Variants in HOXC11 observed in about 807,000 individuals in gnomAD.
HOXC11 encodes homeobox C11, also known as homeobox protein Hox-C11.
In HOXC11, 17 loss-of-function variants were observed where a neutral mutation model predicts 23.6. That is an observed-to-expected ratio of 0.72 (90% CI 0.49 to 1.08). HOXC11 has a LOEUF of 1.08. Ranked by LOEUF, HOXC11 falls within the 50% of genes least tolerant of loss-of-function variation. The pLI is 0.00. For synonymous variants in HOXC11, 196 were observed against 183.8 expected (o/e 1.07, Z -0.54); for missense variants, 413 against 412.1 (o/e 1.00, Z -0.02).
intron 1 of HOXC11, among the ~76,000 whole-genome samples, chr12:53,974,601 C>T (rs1384230797): frequency 3.3e-5 from 5 of 151,948 alleles, no homozygotes; most frequent in Non-Finnish European, 7.4e-5. Flanking sequence ...GCGTTTCTCC[C>T]GGGTCCGCGG....
intron 1 of HOXC11, chr12:53,974,933 C>G (rs1006738783): frequency 4.9e-5 from 25 of 509,844 alleles, no homozygotes; most frequent in African/African-American, 4.9e-4. Context: ...ACCCTGTCAG[C>G]CGCGGCTCTC....
In HOXC11 at chr12:53,973,308, G is replaced by A; in HGVS notation, c.67G>A (p.Gly23Ser). 1 of 1,613,940 alleles carries A rather than the reference G, an allele frequency of 6.2e-7. No homozygotes were observed. Among genetic ancestry groups the A allele is most frequent in the Non-Finnish European group, 8.5e-7 (1 of 1,180,000 alleles). ...PSRKERGADF[G>S]ERGSCASNLY... is the part of the protein sequence containing the mutation. The stretch of plus-strand genomic sequence containing the variant: ...GCGCAAGGAGAGGGGCGCAGATTTC[G>A]GCGAGCGAGGGAGCTGCGCCTCCAA... Residue 23 changes from glycine to serine, a missense_variant, in exon 1 of 2, where the codon GGC becomes AGC. Physicochemically the swap from Gly to Ser is moderately conservative, Grantham distance 56. Coordinates refer to ENST00000546378, the MANE Select transcript of HOXC11 (RefSeq NM_014212.4). This position sits in a 1 kb window ranked among gnomAD's most constrained non-coding sequence, Gnocchi z 4.3.
At position 53,973,912 on chromosome 12, in the gene HOXC11, G is replaced by A. The variant is rs1390422425; in HGVS notation, c.671G>A (p.Gly224Glu). ...TCCGTGGCCAAGGAGCCGGCCAAAG[G>A]AGCCGCCCCCAGTAGGTAGCAGCGG... ...AHSVAKEPAK[G>E]AAPNAPRTRK... Residue 224 changes from glycine to glutamate, a missense_variant, in exon 1 of 2, where the codon GGA (glycine) becomes GAA (glutamate). Physicochemically the swap from Gly to Glu is moderately conservative, Grantham distance 98. Coordinates refer to ENST00000546378, the MANE Select transcript of HOXC11 (RefSeq NM_014212.4). The surrounding 1 kb of genome is among the most constrained non-coding windows in gnomAD (Gnocchi z 4.3). 19 of 1,443,556 alleles carry A rather than the reference G, an allele frequency of 1.3e-5. No homozygotes were observed. The highest frequency in any genetic ancestry group is 2.9e-5 in the Admixed American group (1 of 34,262). The allele number at this position is 1,443,556 out of a possible 1,614,324, so 89.4% of individuals were successfully genotyped here.
Position 53,975,916 on chromosome 12 carries a change from T to C in HOXC11, c.*503T>C, listed in dbSNP as rs755225269. The C allele has an allele frequency of 4.3e-4, 128 of 299,620 alleles. No individual in the cohort carries two copies. Among genetic ancestry groups the C allele is most frequent in the Non-Finnish European group, 6.6e-4 (107 of 163,254 alleles). The allele number at this position is 299,620 out of a possible 1,614,324, so 18.6% of individuals were successfully genotyped here. A position where few individuals can be genotyped will look rare whatever the true frequency, so the allele number is the denominator to read the frequency against. ...AATGTGATCCTGCCTTGCTGTGAAA[T>C]TTCTGTACCTTCAACCTGGTGTTAG... On this transcript the variant is annotated 3_prime_UTR_variant, in exon 2 of 2. Transcript: ENST00000546378.
chr12:53,973,916 C>T lies in HOXC11; in HGVS notation c.675C>T (p.Ala225=), dbSNP rs1357694910. Reference sequence around the variant, plus strand: ...TGGCCAAGGAGCCGGCCAAAGGAGCCGCCCCCAGTAGGTAGCAGCGGCCGG... The same window carrying T: ...TGGCCAAGGAGCCGGCCAAAGGAGCTGCCCCCAGTAGGTAGCAGCGGCCGG... ...HSVAKEPAKG[A]APNAPRTRKK... is the part of the protein sequence containing the mutation. Residue 225 remains alanine, a synonymous_variant, in exon 1 of 2, where the codon GCC becomes GCT. Transcript: ENST00000546378. The surrounding 1 kb of genome is among the most constrained non-coding windows in gnomAD (Gnocchi z 4.3). 2 of 1,441,352 alleles carry T rather than the reference C, an allele frequency of 1.4e-6. No individual in the cohort carries two copies. The highest frequency in any genetic ancestry group is 2.6e-5 in the East Asian group (1 of 38,814). The allele number at this position is 1,441,352 out of a possible 1,614,324, so 89.3% of individuals were successfully genotyped here. A position where few individuals can be genotyped will look rare whatever the true frequency, so the allele number is the denominator to read the frequency against.
In HOXC11 at chr12:53,975,479, T is replaced by G; in HGVS notation, c.*66T>G. On this transcript the variant is annotated 3_prime_UTR_variant, in exon 2 of 2. Transcript: ENST00000546378. ...ATTATTTTATTTTATTTTTATTTTT[T>G]ATTTTCTAACTCGTCTTCTTTCCGC... 2.0e-5 allele frequency: 20 copies of G among 1,018,358 alleles called. No individual in the cohort carries two copies. The highest frequency in any genetic ancestry group is 2.6e-5 in the Non-Finnish European group (17 of 665,492). 63.1% of individuals were successfully genotyped at this position (1,018,358 alleles called of 1,614,324 possible).
chr12:53,974,071 G>C, intron 1 of HOXC11, 148 bp downstream of exon 1: 1 of 404,098 alleles, frequency 2.5e-6, no homozygotes, highest in East Asian at 7.5e-5. Flanking sequence ...GCATTCAAAG[G>C]ATTTTATTAT....
chr12:53,973,350 T>G lies in HOXC11; in HGVS notation c.109T>G (p.Cys37Gly), dbSNP rs1172662931. The G allele has an allele frequency of 2.5e-6, 4 of 1,612,300 alleles. No individual in the cohort carries two copies. The East Asian group carries it at 9.0e-5, about 36-fold the overall frequency. ...CGCCTCCAACCTCTATCTGCCCAGT[T>G]GCACTTACTACATGCCCGAGTTCTC... ...SCASNLYLPS[C>G]TYYMPEFSTV... Residue 37 changes from cysteine to glycine, a missense_variant, in exon 1 of 2, where the codon TGC (cysteine) becomes GGC (glycine). Coordinates refer to ENST00000546378, the MANE Select transcript of HOXC11 (RefSeq NM_014212.4). The surrounding 1 kb of genome is among the most constrained non-coding windows in gnomAD (Gnocchi z 4.3).
rs967992928 is a variant in HOXC11, at chr12:53,976,007, C to A, written c.*594C>A. On this transcript the variant is annotated 3_prime_UTR_variant, in exon 2 of 2. Transcript: ENST00000546378. ...CCCGCCCGAGCCTAGTTGTTCTCCC[C>A]CTGAATGTGTAGAACCTTCCTTTGA... The A allele has an allele frequency of 1.2e-5, 3 of 245,062 alleles. No homozygotes were observed. Among genetic ancestry groups the A allele is most frequent in the Admixed American group, 5.5e-5 (1 of 18,338 alleles). 15.2% of individuals were successfully genotyped at this position (245,062 alleles called of 1,614,324 possible).
In HOXC11 at chr12:53,973,245, T is replaced by C; in HGVS notation, c.4T>C (p.Phe2Leu). 6.3e-7 allele frequency: 1 copy of C among 1,591,348 alleles called. No homozygotes were observed. Residue 2 changes from phenylalanine to leucine, a missense_variant, in exon 1 of 2, where the codon TTT becomes CTT. By Grantham distance (22) the Phe-to-Leu change is conservative (BLOSUM62 0). Transcript: ENST00000546378. The surrounding 1 kb of genome is among the most constrained non-coding windows in gnomAD (Gnocchi z 4.3). ...GAGCCGGCAGGAGAGGAGAACGATG[T>C]TTAACTCGGTCAACCTGGGCAACTT... is the stretch of plus-strand genomic sequence containing the variant. M[F>L]NSVNLGNFCS...
intron 1 of HOXC11, among the ~76,000 whole-genome samples, 169 bp downstream of exon 1, chr12:53,974,092 G>A (rs1469290439): frequency 6.7e-6 from 1 of 149,996 alleles, no homozygotes; most frequent in Admixed American, 6.6e-5. Flanking sequence ...AACCTACAAA[G>A]CCCTCTCTCC....
At position 53,975,378 on chromosome 12, in the gene HOXC11, C is replaced by A. The variant is rs776187685; in HGVS notation, c.880C>A (p.Arg294=). Residue 294 remains arginine (R), a synonymous_variant, in exon 2 of 2, where the codon CGG becomes AGG. Transcript: ENST00000546378. The stretch of plus-strand genomic sequence containing the variant: ...GAAAGAAAAGAAACTGAGCAGAGAC[C>A]GGCTGCAGTATTTCTCGGGAAATCC... The part of the protein sequence containing the change: ...RMKEKKLSRD[R]LQYFSGNPLL The A allele has an allele frequency of 3.8e-5, 61 of 1,613,364 alleles. No individual in the cohort carries two copies. The highest frequency in any genetic ancestry group is 5.0e-5 in the Non-Finnish European group (59 of 1,179,872).
rs1416404908 is a variant in HOXC11, at chr12:53,975,440, G to A, written c.*27G>A. Reference sequence around the variant, plus strand: ...CTGCAGACCGGGCCCTTTTGGGGGCGGGGGGAGGGGAAAATTATTTTATTT... The same window carrying A: ...CTGCAGACCGGGCCCTTTTGGGGGCAGGGGGAGGGGAAAATTATTTTATTT... On this transcript the variant is annotated 3_prime_UTR_variant, in exon 2 of 2. Coordinates refer to ENST00000546378, the MANE Select transcript of HOXC11 (RefSeq NM_014212.4). 1 of 912,428 alleles carries A rather than the reference G, an allele frequency of 1.1e-6. No individual in the cohort carries two copies. The allele number at this position is 912,428 out of a possible 1,614,324, so 56.5% of individuals were successfully genotyped here.
chr12:53,975,956 T>G lies in HOXC11; in HGVS notation c.*543T>G. 1 of 255,916 alleles carries G rather than the reference T, an allele frequency of 3.9e-6. No individual in the cohort carries two copies. Among genetic ancestry groups the G allele is most frequent in the East Asian group, 5.8e-5 (1 of 17,250 alleles). The allele number at this position is 255,916 out of a possible 1,614,324, so 15.9% of individuals were successfully genotyped here. On this transcript the variant is annotated 3_prime_UTR_variant, in exon 2 of 2. Transcript: ENST00000546378. ...CCTGGTGTTAGGTGTGCAAAGTCCG[T>G]GTCCTACCTCCGTCTTCGCCAAGGC...
At position 53,975,445 on chromosome 12, in the gene HOXC11, G is replaced by A. The variant is rs755170987; in HGVS notation, c.*32G>A. On this transcript the variant is annotated 3_prime_UTR_variant, in exon 2 of 2. Coordinates refer to ENST00000546378, the MANE Select transcript of HOXC11 (RefSeq NM_014212.4). Reference sequence around the variant, plus strand: ...GACCGGGCCCTTTTGGGGGCGGGGGGAGGGGAAAATTATTTTATTTTATTT... The same window carrying A: ...GACCGGGCCCTTTTGGGGGCGGGGGAAGGGGAAAATTATTTTATTTTATTT... 2.8e-5 allele frequency: 19 copies of A among 683,218 alleles called. 1 individual carries two copies. In the East Asian group the frequency reaches 5.1e-4, roughly 18 times the overall value. 42.3% of individuals were successfully genotyped at this position (683,218 alleles called of 1,614,324 possible).
Position 53,976,469 on chromosome 12 carries a change from C to T in HOXC11, c.*1056C>T, listed in dbSNP as rs1051622625. 2 of 178,768 alleles carry T rather than the reference C, an allele frequency of 1.1e-5. No homozygotes were observed. Among genetic ancestry groups the T allele is most frequent in the Non-Finnish European group, 2.4e-5 (2 of 83,144 alleles). The allele number at this position is 178,768 out of a possible 1,614,324, so 11.1% of individuals were successfully genotyped here. On this transcript the variant is annotated 3_prime_UTR_variant, in exon 2 of 2. Coordinates refer to ENST00000546378, the MANE Select transcript of HOXC11 (RefSeq NM_014212.4). ...TATTAACCCCTCTCCTCTTAAAATC[C>T]TCCATGCTCCCATGGCAGCGGCGGA...
In HOXC11 at chr12:53,975,653, C is replaced by G; in HGVS notation, c.*240C>G. The G allele has an allele frequency of 1.7e-6, 1 of 596,322 alleles. No homozygotes were observed. The highest frequency in any genetic ancestry group is 3.0e-6 in the Non-Finnish European group (1 of 335,888). The allele number at this position is 596,322 out of a possible 1,614,324, so 36.9% of individuals were successfully genotyped here. On this transcript the variant is annotated 3_prime_UTR_variant, in exon 2 of 2. Transcript: ENST00000546378. Reference sequence around the variant, plus strand: ...GTGAAGGGAAGTGTCTGATGCACGGCGAGTGAACACCGTTGGCGCCGAGGC... The same window carrying G: ...GTGAAGGGAAGTGTCTGATGCACGGGGAGTGAACACCGTTGGCGCCGAGGC...
rs777917677 is a variant in HOXC11, at chr12:53,973,750, C to T, written c.509C>T (p.Pro170Leu). The T allele has an allele frequency of 1.2e-6, 2 of 1,612,730 alleles. No homozygotes were observed. Among genetic ancestry groups the T allele is most frequent in the Non-Finnish European group, 1.7e-6 (2 of 1,179,714 alleles). Residue 170 changes from proline to leucine, a missense_variant, in exon 1 of 2, where the codon CCC becomes CTC. Pro to Leu is a moderately conservative substitution (Grantham distance 98). Coordinates refer to ENST00000546378, the MANE Select transcript of HOXC11 (RefSeq NM_014212.4). This position sits in a 1 kb window ranked among gnomAD's most constrained non-coding sequence, Gnocchi z 4.3. ...CGGGDPPAEP[P>L]CSGKGEAKGE... Reference sequence around the variant, plus strand: ...GGCGGCGACCCGCCCGCCGAGCCCCCCTGCTCCGGCAAGGGCGAGGCCAAG... The same window carrying T: ...GGCGGCGACCCGCCCGCCGAGCCCCTCTGCTCCGGCAAGGGCGAGGCCAAG...
chr12:53,975,467 A>T lies in HOXC11; in HGVS notation c.*54A>T. 1 of 1,113,562 alleles carries T rather than the reference A, an allele frequency of 9.0e-7. No homozygotes were observed. The highest frequency in any genetic ancestry group is 1.3e-6 in the Non-Finnish European group (1 of 748,784). The allele number at this position is 1,113,562 out of a possible 1,614,324, so 69.0% of individuals were successfully genotyped here. A position where few individuals can be genotyped will look rare whatever the true frequency, so the allele number is the denominator to read the frequency against. ...GGGGAGGGGAAAATTATTTTATTTT[A>T]TTTTTATTTTTTATTTTCTAACTCG... On this transcript the variant is annotated 3_prime_UTR_variant, in exon 2 of 2. Transcript: ENST00000546378.
Sources: allele counts gnomAD v4.1 joint callset (sites outside exome capture counted in the v4.1 genomes callset), GRCh38; gene constraint gnomAD v4.1.1; non-coding constraint Gnocchi (gnomAD v3.1); transcripts MANE v1.5; gene names NCBI Gene and HGNC (gene_info 2026-07-23, HGNC 2026-07-21).